GIPR: variants seen among roughly 807,000 people sequenced by gnomAD.
The protein encoded by GIPR is GIP-R.
In GIPR, 74 loss-of-function variants were observed where a neutral mutation model predicts 62.2. The ratio of observed to expected loss-of-function variants is 1.19; its 90% CI spans 0.99 to 1.44. GIPR has a LOEUF of 1.44. GIPR is among the 40% of genes most tolerant of loss of function. The pLI, the probability that GIPR is intolerant of heterozygous loss-of-function variation, is 0.00. For missense variants in GIPR, 664 were observed against 611.8 expected, an observed-to-expected ratio of 1.09 and a Z score of -0.90; for synonymous variants, 256 against 262.2, an observed-to-expected ratio of 0.98 and a Z score of 0.23.
chr19:45,677,086 C>G lies in GIPR; in HGVS notation c.771C>G (p.Arg257=). 1 of 1,613,908 alleles carries G rather than the reference C, an allele frequency of 6.2e-7. No individual in the cohort carries two copies. Among genetic ancestry groups the G allele is most frequent in the Non-Finnish European group, 8.5e-7 (1 of 1,179,992 alleles). Residue 257 remains arginine, a synonymous_variant, in exon 8 of 14, where the codon CGC becomes CGG. Transcript: ENST00000590918. ...LVGGSEEGHF[R]YYLLLGWGAP... is the part of the protein sequence containing the mutation. ...GAGGCTCCGAGGAGGGCCACTTCCG[C>G]TACTACCTGCTCCTCGGCTGGGGTG...
chr19:45,668,919 G>A (rs1975395238), intron 1 of GIPR, among the ~76,000 whole-genome samples: 1 of 152,230 alleles, frequency 6.6e-6, no homozygotes, highest in Non-Finnish European at 1.5e-5. Context: ...ATGTGTGCTA[G>A]AAAACCCTTT....
chr19:45,671,453 C>G (rs1050480750), intron 4 of GIPR, 61 bp downstream of exon 4: 2 of 1,026,990 alleles, frequency 1.9e-6, no homozygotes, highest in African/African-American at 3.1e-5. Flanking sequence ...ACCTTTGCCC[C>G]CAGACACCTA....
intron 12 of GIPR, among the ~76,000 whole-genome samples, chr19:45,680,989 G>A (rs987269633): frequency 1.5e-4 from 23 of 152,138 alleles, no homozygotes; most frequent in African/African-American, 5.3e-4. Flanking sequence ...AAAGAAAGTG[G>A]AAAGGTGGTT....
chr19:45,669,484 C>A lies in GIPR; in HGVS notation c.-37C>A. 6.4e-7 allele frequency: 1 copy of A among 1,554,024 alleles called. No homozygotes were observed. The highest frequency in any genetic ancestry group is 1.2e-5 in the South Asian group (1 of 84,686). On this transcript the variant is annotated 5_prime_UTR_variant, in exon 2 of 14. Transcript: ENST00000590918. Reference sequence around the variant, plus strand: ...TGCCCTGGGACCCTCCAGGCCTGATCGCCCCTGCACGAACCAGACCCTTCG... The same window carrying A: ...TGCCCTGGGACCCTCCAGGCCTGATAGCCCCTGCACGAACCAGACCCTTCG...
At chr19:45,680,434 G>A (rs773336443) in intron 12 of GIPR, among the ~76,000 whole-genome samples, 3 of 152,050 alleles carry the variant, frequency 2.0e-5, no homozygotes, top group Non-Finnish European at 4.4e-5. Flanking sequence ...GGCTGAAGTG[G>A]GAGGATCCCT....
chr19:45,671,495 C>T, intron 4 of GIPR, 103 bp downstream of exon 4: 1 of 762,234 alleles, frequency 1.3e-6, no homozygotes. Flanking sequence ...CTGCACCCCT[C>T]TCCTGCTCCT....
chr19:45,680,037 C>T (rs55946624), intron 12 of GIPR, among the ~76,000 whole-genome samples: 43 of 152,106 alleles, frequency 2.8e-4, no homozygotes, highest in African/African-American at 9.2e-4. Context: ...CCCAAAGCGC[C>T]GGGATTACAG....
intron 7 of GIPR, 146 bp from the exon 8 acceptor site, chr19:45,676,803 C>A: frequency 1.3e-6 from 1 of 753,168 alleles, no homozygotes; most frequent in Non-Finnish European, 2.3e-6. Context: ...TGAGAGAAAC[C>A]AATCACAGAT....
intron 12 of GIPR, among the ~76,000 whole-genome samples, 161 bp from the exon 13 acceptor site, chr19:45,681,443 C>A (rs191061389): frequency 6.6e-6 from 1 of 151,950 alleles, no homozygotes; most frequent in Non-Finnish European, 1.5e-5. Flanking sequence ...TGCCGTTTGC[C>A]GAGATCGTGC....
Position 45,680,012 on chromosome 19 carries a change from C to T in GIPR, c.1153-1592C>T, listed in dbSNP as rs555533293. 1.1e-4 allele frequency among the ~76,000 whole-genome samples: 16 copies of T among 152,186 alleles called. No individual in the cohort carries two copies. The South Asian group carries it at 1.2e-3, about 12-fold the overall frequency. On this transcript the variant is annotated intron_variant, in intron 12 of 13. Transcript: ENST00000590918. Reference sequence around the variant, plus strand: ...CTCGAACTCCTGACCTCAGGTGATCCGCCCGCTTCAGCCTCCCAAAGCGCC... The same window carrying T: ...CTCGAACTCCTGACCTCAGGTGATCTGCCCGCTTCAGCCTCCCAAAGCGCC...
In GIPR at chr19:45,672,840, T is replaced by C. The variant is rs760378446; in HGVS notation, c.281-11T>C. On this transcript the variant is annotated splice_polypyrimidine_tract_variant and intron_variant, in intron 4 of 13. Coordinates refer to ENST00000590918, the MANE Select transcript of GIPR (RefSeq NM_000164.4). Reference sequence around the variant, plus strand: ...CTGTGTGCCTTAATTCCCTCTCTTCTTTCCCCACAGTGGCTGCAGGTTTCG... The same window carrying C: ...CTGTGTGCCTTAATTCCCTCTCTTCCTTCCCCACAGTGGCTGCAGGTTTCG... The C allele has an allele frequency of 3.2e-6, 5 of 1,563,384 alleles. No homozygotes were observed. In the South Asian group the frequency reaches 5.6e-5, roughly 17 times the overall value.
intron 3 of GIPR, 73 bp downstream of exon 3, chr19:45,670,807 C>A: frequency 1.1e-6 from 1 of 891,820 alleles, no homozygotes; most frequent in Non-Finnish European, 1.8e-6. Flanking sequence ...GGGCCTTGGG[C>A]TGACGGGCGG....
At position 45,677,918 on chromosome 19, in the gene GIPR, A is replaced by AT; in HGVS notation, c.942dup (p.Ile315TyrfsTer63). On this transcript the variant is annotated frameshift_variant, in exon 11 of 14. Coordinates refer to ENST00000590918, the MANE Select transcript of GIPR (RefSeq NM_000164.4). LOFTEE classifies it high-confidence loss of function. ...TCTCTCCCCACAGATTAATTTCCTC[A>AT]TTTTTATCCGCATTCTTGGCATTCT... is the stretch of plus-strand genomic sequence containing the variant. The AT allele has an allele frequency of 6.2e-7, 1 of 1,613,432 alleles. No individual in the cohort carries two copies. The highest frequency in any genetic ancestry group is 8.5e-7 in the Non-Finnish European group (1 of 1,179,666).
At chr19:45,670,800 C>T in intron 3 of GIPR, 66 bp downstream of exon 3, 2 of 953,970 alleles carry the variant, frequency 2.1e-6, no homozygotes, top group Non-Finnish European at 3.2e-6. Context: ...TTGGGATGGG[C>T]CTTGGGCTGA....
chr19:45,677,482 TC>T lies in GIPR; in HGVS notation c.854+100del. Reference sequence around the variant, plus strand: ...CATGTGGGCAGGGTCGGAAGGCTATTCGGTGCTGGGGATACGTGGGCGGGAT... The same window carrying T: ...CATGTGGGCAGGGTCGGAAGGCTATTGGTGCTGGGGATACGTGGGCGGGAT... On this transcript the variant is annotated intron_variant, in intron 9 of 13. Transcript: ENST00000590918. 4 of 942,438 alleles carry T rather than the reference TC, an allele frequency of 4.2e-6. No homozygotes were observed. The South Asian group carries it at 5.5e-5, about 13-fold the overall frequency. The allele number at this position is 942,438 out of a possible 1,614,324, so 58.4% of individuals were successfully genotyped here.
intron 12 of GIPR, chr19:45,678,460 T>TTCAAGCGATTCTCCTGCC: frequency 1.7e-6 from 1 of 575,418 alleles, no homozygotes; most frequent in Non-Finnish European, 3.1e-6. Context: ...GACTCCCGGG[T>TTCAAGCGATTCTCCTGCC]TCAAGCGATT....
rs750443279 is a variant in GIPR at position 45,669,569 on chromosome 19, G to A, written c.49G>A (p.Gly17Arg). The stretch of plus-strand genomic sequence containing the variant: ...GCTGCTGCTGCGGCTCTCACTGTGC[G>A]GGCTGCTGCTCCAGAGGGCGGAGGT... ...LQLLLRLSLC[G>R]LLLQRAETGS... Residue 17 changes from glycine to arginine, a missense_variant, in exon 2 of 14, where the codon GGG becomes AGG. By Grantham distance (125) the Gly-to-Arg change is moderately radical. Transcript: ENST00000590918. 1.2e-5 allele frequency: 19 copies of A among 1,581,082 alleles called. No individual in the cohort carries two copies. Among genetic ancestry groups the A allele is most frequent in the East Asian group, 2.3e-5 (1 of 43,938 alleles).
In GIPR at chr19:45,669,579, T is replaced by C; in HGVS notation, c.59T>C (p.Leu20Pro). The C allele has an allele frequency of 6.3e-7, 1 of 1,580,352 alleles. No homozygotes were observed. Among genetic ancestry groups the C allele is most frequent in the South Asian group, 1.2e-5 (1 of 86,780 alleles). The change falls in exon 2 of 14, where the codon CTC (leucine) becomes CCC (proline). Residue 20 changes from leucine (L) to proline (P), a missense_variant. By Grantham distance (98) the Leu-to-Pro change is moderately conservative (BLOSUM62 -3). Coordinates refer to ENST00000590918, the MANE Select transcript of GIPR (RefSeq NM_000164.4). ...CGGCTCTCACTGTGCGGGCTGCTGC[T>C]CCAGAGGGCGGAGGTGAGGAAGCGA... ...LLRLSLCGLL[L>P]QRAETGSKGQ...
chr19:45,675,282 A>G, intron 7 of GIPR: 1 of 195,328 alleles, frequency 5.1e-6, no homozygotes. Context: ...CCAATTGTTA[A>G]GAAGCCGCAC....
Sources: gnomAD v4.1 joint callset for allele counts (sites outside exome capture counted in the v4.1 genomes callset) on GRCh38, gnomAD v4.1.1 for gene constraint, MANE v1.5 for transcripts, NCBI Gene and HGNC (gene_info 2026-07-23, HGNC 2026-07-21) for gene names.